NGF: variants seen among roughly 807,000 people sequenced by gnomAD.
The protein encoded by NGF is nerve growth factor, also known as beta-nerve growth factor.
In NGF, 4 loss-of-function variants were observed where a neutral mutation model predicts 12.8. The observed-to-expected ratio is 0.31, with a 90% CI of 0.15 to 0.72. The LOEUF is 0.72. Ranked by LOEUF, NGF falls within the 30% of genes least tolerant of loss-of-function variation. NGF has a pLI of 0.69. For synonymous variants in NGF, 140 were observed against 130.0 expected, an observed-to-expected ratio of 1.08 and a Z score of -0.52; for missense variants, 283 against 330.8, an observed-to-expected ratio of 0.86 and a Z score of 1.12.
intron 1 of NGF, among the ~76,000 whole-genome samples, chr1:115,302,347 G>A (rs1179910926): frequency 1.3e-5 from 2 of 152,146 alleles, no homozygotes; most frequent in Non-Finnish European, 2.9e-5. Flanking sequence ...GTGTACATAG[G>A]TGTTGTGCAA....
At chr1:115,301,952 T>A (rs1201432336) in intron 1 of NGF, among the ~76,000 whole-genome samples, 1 of 152,238 alleles carries the variant, frequency 6.6e-6, no homozygotes, top group African/African-American at 2.4e-5. Flanking sequence ...GGTATCCTCA[T>A]GATCAAATTT....
chr1:115,336,907 G>C (rs1000271381), intron 1 of NGF, among the ~76,000 whole-genome samples: 2 of 152,196 alleles, frequency 1.3e-5, no homozygotes, highest in South Asian at 4.1e-4. Context: ...CAGTGGGTGT[G>C]CCCAGAGGAT....
chr1:115,333,807 T>C (rs1655027031), intron 1 of NGF, among the ~76,000 whole-genome samples: 1 of 145,630 alleles, frequency 6.9e-6, no homozygotes, highest in Admixed American at 6.7e-5. Context: ...TCTTTCTTTC[T>C]CTTTTTCTTT....
intron 1 of NGF, among the ~76,000 whole-genome samples, chr1:115,315,694 G>A (rs1458703323): frequency 6.6e-6 from 1 of 152,206 alleles, no homozygotes; most frequent in African/African-American, 2.4e-5. Flanking sequence ...GACATGTAGA[G>A]TTAGGGGAGA....
At chr1:115,318,243 C>G (rs1325552823) in intron 1 of NGF, among the ~76,000 whole-genome samples, 2 of 152,190 alleles carry the variant, frequency 1.3e-5, no homozygotes, top group Non-Finnish European at 2.9e-5. Flanking sequence ...CCCTGCTCAT[C>G]CCCTTAGCTA....
At chr1:115,321,229 T>C (rs1654614741) in intron 1 of NGF, among the ~76,000 whole-genome samples, 1 of 152,124 alleles carries the variant, frequency 6.6e-6, no homozygotes, top group African/African-American at 2.4e-5. Context: ...GAGAACTATG[T>C]ATGGTTTTTT....
At chr1:115,337,441 C>G (rs1655160685) in intron 1 of NGF, among the ~76,000 whole-genome samples, 1 of 152,034 alleles carries the variant, frequency 6.6e-6, no homozygotes, top group East Asian at 1.9e-4. Flanking sequence ...CCGCCCTAAC[C>G]TTCCACGCCC....
intron 2 of NGF, 50 bp from the exon 3 acceptor site, chr1:115,286,857 C>A: frequency 1.2e-6 from 2 of 1,610,506 alleles, no homozygotes; most frequent in South Asian, 2.2e-5. Context: ...TAAATGCAGT[C>A]AAAAGGCAGT....
intron 1 of NGF, among the ~76,000 whole-genome samples, chr1:115,334,901 C>CT (rs1452561717): frequency 1.3e-5 from 2 of 151,974 alleles, no homozygotes; most frequent in Non-Finnish European, 2.9e-5. Context: ...GCCTGAGAAG[C>CT]TTAGCGACTT....
intron 2 of NGF, among the ~76,000 whole-genome samples, chr1:115,290,664 T>G (rs577399204): frequency 1.3e-5 from 2 of 152,182 alleles, no homozygotes; most frequent in Non-Finnish European, 2.9e-5. Flanking sequence ...AGTGTTGGGA[T>G]TATAGGCGTA....
chr1:115,337,894 C>T (rs556801753), intron 1 of NGF, among the ~76,000 whole-genome samples: 1 of 152,316 alleles, frequency 6.6e-6, no homozygotes, highest in South Asian at 2.1e-4. Context: ...GAGCTAGACC[C>T]TGGCATGGCC....
At chr1:115,287,114 T>C (rs980361824) in intron 2 of NGF, among the ~76,000 whole-genome samples, 5 of 152,152 alleles carry the variant, frequency 3.3e-5, no homozygotes, top group African/African-American at 1.2e-4. Context: ...ACAGAGTCCT[T>C]TGAGTTCTCT....
intron 2 of NGF, among the ~76,000 whole-genome samples, chr1:115,288,968 TAGAC>T (rs1653602182): frequency 1.3e-5 from 2 of 152,254 alleles, no homozygotes; most frequent in African/African-American, 2.4e-5. Context: ...CAGCTGGAAA[TAGAC>T]AGCTCTTTGG....
intron 1 of NGF, among the ~76,000 whole-genome samples, chr1:115,332,599 T>C (rs1358945726): frequency 1.3e-5 from 2 of 152,222 alleles, no homozygotes; most frequent in African/African-American, 2.4e-5. Context: ...CTCATGTTCG[T>C]TGGTGCCCCC....
chr1:115,310,198 A>G (rs1334943241), intron 1 of NGF, among the ~76,000 whole-genome samples: 1 of 152,238 alleles, frequency 6.6e-6, no homozygotes, highest in Admixed American at 6.5e-5. Flanking sequence ...GGGAAATCAC[A>G]TGTATGTGGG....
At chr1:115,315,274 A>T (rs1186324279) in intron 1 of NGF, among the ~76,000 whole-genome samples, 1 of 152,218 alleles carries the variant, frequency 6.6e-6, no homozygotes, top group Non-Finnish European at 1.5e-5. Flanking sequence ...GGCTGAGCAC[A>T]CACAATGGGG....
chr1:115,325,467 C>G (rs551926545), intron 1 of NGF, among the ~76,000 whole-genome samples: 1 of 152,054 alleles, frequency 6.6e-6, no homozygotes, highest in Non-Finnish European at 1.5e-5. Context: ...TCCACCACCC[C>G]CTTTATGACC....
chr1:115,303,547 GTCA>G (rs906750590), intron 1 of NGF, among the ~76,000 whole-genome samples: 6 of 150,738 alleles, frequency 4.0e-5, no homozygotes, highest in South Asian at 2.1e-4. Flanking sequence ...CACCTCCTCC[GTCA>G]TCATCATCAT....
chr1:115,311,480 C>T (rs1557942138), intron 1 of NGF, among the ~76,000 whole-genome samples: 1 of 152,062 alleles, frequency 6.6e-6, no homozygotes, highest in South Asian at 2.1e-4. Flanking sequence ...GGACATTTGG[C>T]GATGTCTAGA....
Sources: allele counts gnomAD v4.1 joint callset (sites outside exome capture counted in the v4.1 genomes callset), GRCh38; gene constraint gnomAD v4.1.1; transcripts MANE v1.5; gene names NCBI Gene and HGNC (gene_info 2026-07-23, HGNC 2026-07-21).